Variants in OFD1 observed in about 807,000 individuals in gnomAD.
The protein encoded by OFD1 is centriole and centriolar satellite protein OFD1.
OFD1 carries 12 observed loss-of-function variants against 81.4 expected under a neutral mutation model. That is an observed-to-expected ratio of 0.15 (90% confidence interval 0.09 to 0.24). The LOEUF is 0.24. Ranked by LOEUF, OFD1 falls within the 10% of genes least tolerant of loss-of-function variation. OFD1 has a pLI of 1.00. For missense variants in OFD1, 685 were observed against 733.9 expected (o/e 0.93, Z 0.77); for synonymous variants, 256 against 263.7 (o/e 0.97, Z 0.28).
upstream of OFD1, among the ~76,000 whole-genome samples, chrX:13,731,601 AT>A (rs772768338): frequency 1.8e-5 from 2 of 111,958 alleles, no homozygotes; most frequent in African/African-American, 6.5e-5. Flanking sequence ...ATGAGAGCAG[AT>A]ACACCATTCG....
At chrX:13,763,513 G>A (rs180833411) in intron 18 of OFD1, among the ~76,000 whole-genome samples, 47 of 112,572 alleles carry the variant, frequency 4.2e-4, no homozygotes, top group Admixed American at 6.6e-4. Context: ...GTTGGGTAAC[G>A]AATCTCATTT....
Position 13,749,475 on chromosome X carries a change from A to T in OFD1, c.877A>T (p.Met293Leu), listed in dbSNP as rs755046665. 1.2e-5 allele frequency: 14 copies of T among 1,201,868 alleles called. No homozygotes were observed. Among genetic ancestry groups the T allele is most frequent in the Non-Finnish European group, 1.6e-5 (14 of 888,584 alleles). The change falls in exon 9 of 23, where the codon ATG (methionine) becomes TTG (leucine). Residue 293 changes from methionine (M) to leucine (L), a missense_variant. Around this residue, in one of 3 missense-constraint regions of OFD1, gnomAD observed 414 missense variants for 447.2 expected, o/e 0.93. Transcript: ENST00000340096. The stretch of plus-strand genomic sequence containing the variant: ...TCAAAGGCAACTTTTACTAAAAGAT[A>T]TGGATTTGCTAAGAGGAAGAGAAGC... ...YAQRQLLLKDMDLLRGREAEL... is the reference protein window; with the variant it reads ...YAQRQLLLKDLDLLRGREAEL...
At chrX:13,761,455 T>G (rs2047928280) in intron 17 of OFD1, among the ~76,000 whole-genome samples, 1 of 111,851 alleles carries the variant, frequency 8.9e-6, no homozygotes, top group Admixed American at 9.5e-5. Flanking sequence ...ACTTGATATA[T>G]GGACCATGCA....
rs752016401 is a variant in OFD1 at position 13,763,686 on chromosome X, G to A, written c.2489-59G>A. On this transcript the variant is annotated intron_variant, in intron 18 of 22. Coordinates refer to ENST00000340096, the MANE Select transcript of OFD1 (RefSeq NM_003611.3). ...CAGTCAGTTGCCCCCACACTGCACT[G>A]CCCTTCTTTGTCTTGGTGTTATTAT... is the stretch of plus-strand genomic sequence containing the variant. The A allele has an allele frequency of 8.6e-4, 816 of 950,203 alleles. 8 individuals carry two copies. The highest frequency in any genetic ancestry group is 5.9e-4 in the Middle Eastern group (2 of 3,386). The allele number at this position is 950,203 out of a possible 1,213,427, so 78.3% of individuals were successfully genotyped here. A position where few individuals can be genotyped will look rare whatever the true frequency, so the allele number is the denominator to read the frequency against.
rs1227055609 is a variant in OFD1, at chrX:13,769,067, T to A, written c.2998T>A (p.Leu1000Ile). ...TLQSSDKVESLTGFSHEELDD... is the reference protein window; with the variant it reads ...TLQSSDKVESITGFSHEELDD... Reference sequence around the variant, plus strand: ...AATTTTTATCTTTCCCTAATTTAGTTTAACAGGCTTTTCTCATGAAGAACT... The same window carrying A: ...AATTTTTATCTTTCCCTAATTTAGTATAACAGGCTTTTCTCATGAAGAACT... The change falls in exon 23 of 23, where the codon TTA (leucine) becomes ATA (isoleucine). Residue 1000 changes from leucine (L) to isoleucine (I), a missense_variant and splice_region_variant. By Grantham distance (5) the Leu-to-Ile change is conservative. This residue lies in a region of OFD1 where 259 missense variants were observed against 254.4 expected (regional missense o/e 1.02). Coordinates refer to ENST00000340096, the MANE Select transcript of OFD1 (RefSeq NM_003611.3). 1 of 1,184,679 alleles carries A rather than the reference T, an allele frequency of 8.4e-7. No homozygotes were observed. Among genetic ancestry groups the A allele is most frequent in the Non-Finnish European group, 1.1e-6 (1 of 872,068 alleles).
At chrX:13,762,228 CAAAGAG>C (rs975058875) in intron 17 of OFD1, 110 bp from the exon 18 acceptor site, 16 of 531,245 alleles carry the variant, frequency 3.0e-5, no homozygotes, top group African/African-American at 4.6e-5. Flanking sequence ...ATTTACAAGA[CAAAGAG>C]AAAGGGAATT....
At chrX:13,731,212 C>T (rs1176254924), upstream of OFD1, among the ~76,000 whole-genome samples, 3 of 112,020 alleles carry the variant, frequency 2.7e-5, no homozygotes, top group Non-Finnish European at 3.8e-5. Context: ...CCATATCATC[C>T]GCTAGGTTAA....
upstream of OFD1, chrX:13,734,566 C>T: frequency 2.0e-6 from 1 of 487,822 alleles, no homozygotes; most frequent in Non-Finnish European, 2.7e-6. Flanking sequence ...TGTCAGTTTC[C>T]GCGGAAGAGA....
chrX:13,769,168 C>A lies in OFD1; in HGVS notation c.*60C>A. The A allele has an allele frequency of 1.1e-6, 1 of 892,711 alleles. No individual in the cohort carries two copies. Among genetic ancestry groups the A allele is most frequent in the Non-Finnish European group, 1.6e-6 (1 of 607,108 alleles). 73.6% of individuals were successfully genotyped at this position (892,711 alleles called of 1,213,427 possible). A position where few individuals can be genotyped will look rare whatever the true frequency, so the allele number is the denominator to read the frequency against. ...GTGAGAAGTTACGTAACATTTACTC[C>A]TTTGTAAATGTTTCCCTATCATCAG... On this transcript the variant is annotated 3_prime_UTR_variant, in exon 23 of 23. Transcript: ENST00000340096.
At chrX:13,729,801 G>A (rs1327215731), upstream of OFD1, among the ~76,000 whole-genome samples, 5 of 111,542 alleles carry the variant, frequency 4.5e-5, no homozygotes, top group Admixed American at 9.5e-5. Flanking sequence ...CCTGCTACTC[G>A]GGAGGCAGAA....
intron 7 of OFD1, 138 bp from the exon 8 acceptor site, chrX:13,746,642 G>C (rs2047310006): frequency 2.9e-6 from 2 of 683,853 alleles, no homozygotes; most frequent in Admixed American, 3.6e-5. Flanking sequence ...TACAAATAGA[G>C]TGAATGAGAT....
upstream of OFD1, among the ~76,000 whole-genome samples, chrX:13,731,557 G>A (rs938505797): frequency 1.8e-5 from 2 of 112,091 alleles, no homozygotes; most frequent in African/African-American, 6.5e-5. Context: ...TGGAGCCTGA[G>A]TGAAAATACA....
chrX:13,733,476 C>A (rs1353545793), upstream of OFD1, among the ~76,000 whole-genome samples: 3 of 112,069 alleles, frequency 2.7e-5, no homozygotes, highest in Non-Finnish European at 3.8e-5. Context: ...CCTTTAAAAT[C>A]CAACTAAGCC....
chrX:13,768,258 G>A, intron 21 of OFD1, 34 bp downstream of exon 21: 1 of 1,082,705 alleles, frequency 9.2e-7, no homozygotes, highest in Non-Finnish European at 1.3e-6. Context: ...ATCTGTGGGT[G>A]GGGGACATCC....
chrX:13,751,405 A>C lies in OFD1; in HGVS notation c.1055+37A>C, dbSNP rs746539439. ...GCATTTTTAAATAACTAATATGTTT[A>C]AATTAAATTGGTAGAAACATAACAA... On this transcript the variant is annotated intron_variant, in intron 10 of 22. Transcript: ENST00000340096. 158 of 1,105,162 alleles carry C rather than the reference A, an allele frequency of 1.4e-4. 2 individuals are homozygous for C. Among genetic ancestry groups the C allele is most frequent in the Non-Finnish European group, 9.9e-6 (8 of 806,692 alleles). The allele number at this position is 1,105,162 out of a possible 1,213,427, so 91.1% of individuals were successfully genotyped here.
chrX:13,715,709 G>T, the OFD1 span: 1 of 682,030 alleles, frequency 1.5e-6, no homozygotes. Flanking sequence ...CTGCTTTCTT[G>T]CTGTCTTTAG....
intron 10 of OFD1, chrX:13,752,665 GTTA>G (rs1390035668): frequency 2.1e-6 from 2 of 966,374 alleles, no homozygotes; most frequent in Admixed American, 6.1e-5. Flanking sequence ...ATTTTACATA[GTTA>G]TGGAGCTAGT....
Position 13,761,136 on chromosome X carries a change from C to G in OFD1, c.2312C>G (p.Pro771Arg). Reference sequence around the variant, plus strand: ...CCCAGTCCTTGTCCTGACAGAATGCCCCTACCATCACCCACTGAGTCTAGG... The same window carrying G: ...CCCAGTCCTTGTCCTGACAGAATGCGCCTACCATCACCCACTGAGTCTAGG... The part of the protein sequence containing the change: ...ASPSPCPDRM[P>R]LPSPTESRHS... Residue 771 changes from proline to arginine, a missense_variant, in exon 17 of 23, where the codon CCC becomes CGC. Around this residue, in one of 3 missense-constraint regions of OFD1, gnomAD observed 259 missense variants for 254.4 expected, o/e 1.02. Transcript: ENST00000340096. The G allele has an allele frequency of 8.3e-7, 1 of 1,210,320 alleles. No homozygotes were observed. Among genetic ancestry groups the G allele is most frequent in the Non-Finnish European group, 1.1e-6 (1 of 894,313 alleles).
At chrX:13,747,035 C>T (rs1183277457) in intron 8 of OFD1, 82 bp downstream of exon 8, 6 of 889,726 alleles carry the variant, frequency 6.7e-6, no homozygotes. Flanking sequence ...CAGGATGGTA[C>T]AGTTGATGGA....
Sources: allele counts gnomAD v4.1 joint callset (sites outside exome capture counted in the v4.1 genomes callset), GRCh38; gene constraint gnomAD v4.1.1; regional missense constraint gnomAD v4.1.1; transcripts MANE v1.5; gene names NCBI Gene and HGNC (gene_info 2026-07-23, HGNC 2026-07-21).